The following OTUD6B variants were observed in gnomAD, a reference collection of about 807,000 sequenced individuals.
The protein encoded by OTUD6B is OTU deubiquitinase 6B.
Under a neutral mutation model 36.9 loss-of-function variants are expected in OTUD6B, and 41 were observed. The observed-to-expected ratio is 1.11, with a 90% CI of 0.87 to 1.44. The LOEUF (loss-of-function observed/expected upper bound fraction) is 1.44. OTUD6B is among the 40% of genes most tolerant of loss of function. OTUD6B has a pLI of 0.00. For missense variants in OTUD6B, 356 were observed against 344.8 expected (o/e 1.03, Z -0.26); for synonymous variants, 114 against 114.2 (o/e 1.00, Z 0.01).
At chr8:91,079,411 A>AGGAAACAT (rs1812858658) in intron 4 of OTUD6B, among the ~76,000 whole-genome samples, 1 of 152,038 alleles carries the variant, frequency 6.6e-6, no homozygotes, top group Non-Finnish European at 1.5e-5. Flanking sequence ...TCCTCCATGG[A>AGGAAACAT]GGAAAGGTAG....
chr8:91,086,539 A>G lies in OTUD6B; in HGVS notation c.*1671A>G, dbSNP rs184040256. The G allele has an allele frequency of 1.8e-4, 28 of 152,228 alleles. No homozygotes were observed. The highest frequency in any genetic ancestry group is 9.2e-4 in the Admixed American group (14 of 15,274). 9.4% of individuals were successfully genotyped at this position (152,228 alleles called of 1,614,324 possible). ...AGTAATCTGTTACTTTAAAATGTCA[A>G]CATTAGGAAGCCATAAAACAAGATA... On this transcript the variant is annotated 3_prime_UTR_variant, in exon 7 of 7. Coordinates refer to ENST00000404789, the MANE Select transcript of OTUD6B (RefSeq NM_016023.5).
chr8:91,074,262 A>G (rs978933141), intron 3 of OTUD6B, among the ~76,000 whole-genome samples: 15 of 152,044 alleles, frequency 9.9e-5, no homozygotes, highest in Admixed American at 2.6e-4. Context: ...TTTTTTTACA[A>G]ATATATTATC....
At position 91,085,954 on chromosome 8, in the gene OTUD6B, G is replaced by A. The variant is rs1354382568; in HGVS notation, c.*1086G>A. Reference sequence around the variant, plus strand: ...AACTCAAATATTTGAGAAATTTTATGTTACATATATGAATGAAGTTGAAAG... The same window carrying A: ...AACTCAAATATTTGAGAAATTTTATATTACATATATGAATGAAGTTGAAAG... On this transcript the variant is annotated 3_prime_UTR_variant, in exon 7 of 7. Transcript: ENST00000404789. 2.0e-5 allele frequency: 3 copies of A among 151,978 alleles called. No homozygotes were observed. Among genetic ancestry groups the A allele is most frequent in the East Asian group, 1.9e-4 (1 of 5,198 alleles). The allele number at this position is 151,978 out of a possible 1,614,324, so 9.4% of individuals were successfully genotyped here. A position where few individuals can be genotyped will look rare whatever the true frequency, so the allele number is the denominator to read the frequency against.
chr8:91,070,990 T>A (rs1812684017), intron 1 of OTUD6B, 148 bp from the exon 2 acceptor site: 2 of 1,326,744 alleles, frequency 1.5e-6, no homozygotes, highest in African/African-American at 3.1e-5. Flanking sequence ...GGATCTTCTC[T>A]CTCTGTAGCT....
intron 2 of OTUD6B, among the ~76,000 whole-genome samples, chr8:91,073,194 A>G (rs1221459911): frequency 1.3e-5 from 2 of 152,210 alleles, no homozygotes; most frequent in African/African-American, 4.8e-5. Context: ...GGCTTACCTT[A>G]GAGTTGCAGT....
At chr8:91,076,545 A>G (rs1271397697) in intron 3 of OTUD6B, 1 of 1,526,192 alleles carries the variant, frequency 6.6e-7, no homozygotes, top group Admixed American at 2.0e-5. Context: ...AGTACATGAC[A>G]TCATTAACTC....
In OTUD6B at chr8:91,084,030, T is replaced by C; in HGVS notation, c.713T>C (p.Leu238Ser). ...QLELRALSHILQTPIEIIQAD... is the reference protein window; with the variant it reads ...QLELRALSHISQTPIEIIQAD... ...TAGCTAAGAGCTCTGTCTCACATTT[T>C]ACAAACACCAATAGAGATAATACAG... Residue 238 changes from leucine (L) to serine (S), a missense_variant, in exon 6 of 7, where the codon TTA becomes TCA. Transcript: ENST00000404789. 6.3e-7 allele frequency: 1 copy of C among 1,575,068 alleles called. No homozygotes were observed. The highest frequency in any genetic ancestry group is 1.2e-5 in the South Asian group (1 of 84,504).
chr8:91,085,238 C>T lies in OTUD6B; in HGVS notation c.*370C>T, dbSNP rs1433830845. ...CTAAAAACTTTCAAAATAACCATTTCAATGTAATTTGTCTTGAAGAAGTTT... is the reference window on the plus strand; with the variant it reads ...CTAAAAACTTTCAAAATAACCATTTTAATGTAATTTGTCTTGAAGAAGTTT... On this transcript the variant is annotated 3_prime_UTR_variant, in exon 7 of 7. Coordinates refer to ENST00000404789, the MANE Select transcript of OTUD6B (RefSeq NM_016023.5). The T allele has an allele frequency of 6.5e-6, 1 of 153,768 alleles. No homozygotes were observed. Among genetic ancestry groups the T allele is most frequent in the Non-Finnish European group, 1.4e-5 (1 of 69,226 alleles). 9.5% of individuals were successfully genotyped at this position (153,768 alleles called of 1,614,324 possible). A position where few individuals can be genotyped will look rare whatever the true frequency, so the allele number is the denominator to read the frequency against.
chr8:91,081,396 CAGGT>C (rs1418290402), intron 5 of OTUD6B, among the ~76,000 whole-genome samples: 1 of 148,440 alleles, frequency 6.7e-6, no homozygotes, highest in Non-Finnish European at 1.5e-5. Context: ...ACAAAAAAAA[CAGGT>C]AGGTAGGCCA....
At chr8:91,076,590 A>G in intron 3 of OTUD6B, 1 of 1,530,074 alleles carries the variant, frequency 6.5e-7, no homozygotes, top group Non-Finnish European at 8.7e-7. Context: ...ATTCTGATTC[A>G]GGTGCCTGGA....
Position 91,084,052 on chromosome 8 carries a change from A to G in OTUD6B, c.735A>G (p.Ile245Met), listed in dbSNP as rs776111921. Residue 245 changes from isoleucine (I) to methionine (M), a missense_variant, in exon 6 of 7, where the codon ATA (isoleucine) becomes ATG (methionine). Physicochemically the swap from Ile to Met is conservative, Grantham distance 10. Coordinates refer to ENST00000404789, the MANE Select transcript of OTUD6B (RefSeq NM_016023.5). Reference protein sequence around the residue: ...SHILQTPIEIIQADSPPIIVG... With the variant: ...SHILQTPIEIMQADSPPIIVG... The stretch of plus-strand genomic sequence containing the variant: ...TTTTACAAACACCAATAGAGATAAT[A>G]CAGGCAGATTCTCCTCCCATTATAG... 2 of 1,582,238 alleles carry G rather than the reference A, an allele frequency of 1.3e-6. No homozygotes were observed. The highest frequency in any genetic ancestry group is 3.6e-5 in the Admixed American group (2 of 55,638).
chr8:91,073,781 C>G (rs553766774), intron 2 of OTUD6B, 50 bp from the exon 3 acceptor site: 2 of 1,483,564 alleles, frequency 1.3e-6, no homozygotes, highest in African/African-American at 1.4e-5. Context: ...TTATGATTTT[C>G]AGTAATTTAA....
At chr8:91,081,469 G>T (rs1388628035) in intron 5 of OTUD6B, among the ~76,000 whole-genome samples, 1 of 151,618 alleles carries the variant, frequency 6.6e-6, no homozygotes, top group Non-Finnish European at 1.5e-5. Context: ...CTGGGTTCAG[G>T]TCCTGGCATT....
chr8:91,073,300 A>T (rs10441532), intron 2 of OTUD6B, among the ~76,000 whole-genome samples: 5,789 of 152,314 alleles, frequency 0.038, 144 homozygotes, highest in African/African-American at 0.063. Flanking sequence ...TATAATATCA[A>T]ATGATATTAC....
At chr8:91,077,071 T>C (rs986521885) in intron 3 of OTUD6B, among the ~76,000 whole-genome samples, 13 of 152,086 alleles carry the variant, frequency 8.5e-5, no homozygotes, top group African/African-American at 3.1e-4. Flanking sequence ...TGGAAGTCTT[T>C]ACCTTTTCCT....
intron 3 of OTUD6B, among the ~76,000 whole-genome samples, chr8:91,076,220 G>T (rs1269068271): frequency 6.6e-6 from 1 of 152,014 alleles, no homozygotes; most frequent in East Asian, 1.9e-4. Context: ...CAACATGACT[G>T]TAGTTTTATT....
intron 3 of OTUD6B, chr8:91,076,856 G>C (rs1812811636): frequency 6.1e-6 from 4 of 653,824 alleles, no homozygotes; most frequent in Non-Finnish European, 1.1e-5. Flanking sequence ...AAATAAATTT[G>C]TTCCTATTAC....
chr8:91,080,051 C>G (rs536483828), intron 4 of OTUD6B, among the ~76,000 whole-genome samples: 38 of 152,196 alleles, frequency 2.5e-4, no homozygotes, highest in African/African-American at 8.4e-4. Flanking sequence ...AAAATATACC[C>G]ATTGTAAATT....
At chr8:91,072,329 C>G (rs1226178786) in intron 2 of OTUD6B, among the ~76,000 whole-genome samples, 1 of 152,134 alleles carries the variant, frequency 6.6e-6, no homozygotes, top group African/African-American at 2.4e-5. Context: ...AGCCAGAATT[C>G]CAAATGAGAA....
Sources: allele counts gnomAD v4.1 joint callset (sites outside exome capture counted in the v4.1 genomes callset), GRCh38; gene constraint gnomAD v4.1.1; transcripts MANE v1.5; gene names NCBI Gene and HGNC (gene_info 2026-07-23, HGNC 2026-07-21).